Variants in LRRTM3 observed in about 807,000 individuals in gnomAD.
LRRTM3 encodes leucine-rich repeat transmembrane neuronal protein 3.
A neutral mutation model predicts 44.7 loss-of-function variants in LRRTM3; 24 were observed. The ratio of observed to expected loss-of-function variants is 0.54; its 90% CI spans 0.39 to 0.76. The LOEUF is 0.76. Among genes scored for constraint, LRRTM3 ranks in the 30% least tolerant of loss-of-function variants. LRRTM3 has a pLI of 0.00. For missense variants in LRRTM3, 587 were observed against 702.2 expected, an observed-to-expected ratio of 0.84 and a Z score of 1.85; for synonymous variants, 277 against 278.7, an observed-to-expected ratio of 0.99 and a Z score of 0.06.
chr10:66,959,200 T>C (rs1236084713), intron 2 of LRRTM3, among the ~76,000 whole-genome samples: 1 of 152,204 alleles, frequency 6.6e-6, no homozygotes, highest in Non-Finnish European at 1.5e-5. Flanking sequence ...ATTCAACTTT[T>C]TGACAATCTT....
In LRRTM3 at chr10:66,976,287, T is replaced by C. The variant is rs78748061; in HGVS notation, c.1536+47835T>C. ...CACTAATATAGGGAATCAGGGACGATACCCCTGTAAAAGGGATATTTCAGC... is the reference window on the plus strand; with the variant it reads ...CACTAATATAGGGAATCAGGGACGACACCCCTGTAAAAGGGATATTTCAGC... On this transcript the variant is annotated intron_variant, in intron 2 of 2. Coordinates refer to ENST00000361320, the MANE Select transcript of LRRTM3 (RefSeq NM_178011.5). Among the ~76,000 whole-genome samples, 12 of 152,298 alleles carry C rather than the reference T, an allele frequency of 7.9e-5. No individual in the cohort carries two copies. The East Asian group carries it at 2.1e-3, about 27-fold the overall frequency.
intron 2 of LRRTM3, among the ~76,000 whole-genome samples, chr10:67,032,239 T>A (rs549976581): frequency 1.3e-5 from 2 of 152,284 alleles, no homozygotes; most frequent in South Asian, 4.1e-4. Flanking sequence ...ACTCCAGAAC[T>A]GACATTTTTT....
chr10:66,970,379 C>T (rs1042174812), intron 2 of LRRTM3, among the ~76,000 whole-genome samples: 10 of 151,942 alleles, frequency 6.6e-5, no homozygotes, highest in South Asian at 4.1e-4. Flanking sequence ...AGCTTCTTCT[C>T]GATATACAGC....
chr10:66,958,822 G>GGTTT, intron 2 of LRRTM3, among the ~76,000 whole-genome samples: 1 of 152,078 alleles, frequency 6.6e-6, no homozygotes, highest in Non-Finnish European at 1.5e-5. Context: ...AAGAAGGAAA[G>GGTTT]GAATTAAAAT....
intron 2 of LRRTM3, among the ~76,000 whole-genome samples, chr10:66,997,237 T>C (rs1424370698): frequency 2.6e-5 from 4 of 152,160 alleles, no homozygotes; most frequent in African/African-American, 7.2e-5. Context: ...ACATATCCTA[T>C]TCATAGGCAG....
intron 2 of LRRTM3, among the ~76,000 whole-genome samples, chr10:66,959,592 G>A (rs1178897939): frequency 2.0e-5 from 3 of 152,108 alleles, no homozygotes; most frequent in Admixed American, 6.6e-5. Context: ...AAATGAACTG[G>A]TGAAAGTAGA....
intron 2 of LRRTM3, among the ~76,000 whole-genome samples, chr10:66,933,326 A>C (rs900984993): frequency 2.6e-5 from 4 of 152,250 alleles, no homozygotes; most frequent in Admixed American, 1.3e-4. Context: ...TACAACAGAC[A>C]TAAAGACACC....
chr10:66,943,190 G>A lies in LRRTM3; in HGVS notation c.1536+14738G>A, dbSNP rs531552018. ...GTTCTTTTTAAAGACTTTGAAAAGA[G>A]CAGAGACGAGAAAAGCTAGAAGAGT... On this transcript the variant is annotated intron_variant, in intron 2 of 2. Coordinates refer to ENST00000361320, the MANE Select transcript of LRRTM3 (RefSeq NM_178011.5). Among the ~76,000 whole-genome samples the A allele has an allele frequency of 9.2e-5, 14 of 152,306 alleles. No individual in the cohort carries two copies. In the South Asian group the frequency reaches 1.9e-3, roughly 20 times the overall value.
At chr10:67,088,040 T>A (rs997193761) in intron 2 of LRRTM3, among the ~76,000 whole-genome samples, 1 of 152,034 alleles carries the variant, frequency 6.6e-6, no homozygotes, top group Non-Finnish European at 1.5e-5. Context: ...AATAATATCA[T>A]GTGGAAATAC....
At chr10:67,000,753 C>A (rs1230286306) in intron 2 of LRRTM3, among the ~76,000 whole-genome samples, 1 of 152,086 alleles carries the variant, frequency 6.6e-6, no homozygotes, top group Non-Finnish European at 1.5e-5. Context: ...CACCCCACAC[C>A]TGACAATTAC....
At chr10:66,998,583 C>T (rs1259266813) in intron 2 of LRRTM3, among the ~76,000 whole-genome samples, 2 of 151,984 alleles carry the variant, frequency 1.3e-5, no homozygotes, top group Non-Finnish European at 2.9e-5. Flanking sequence ...AAGTGAGACA[C>T]TTGTAGAGAG....
intron 2 of LRRTM3, among the ~76,000 whole-genome samples, chr10:67,081,116 C>T (rs987603391): frequency 3.9e-5 from 6 of 152,138 alleles, no homozygotes; most frequent in Non-Finnish European, 7.4e-5. Flanking sequence ...TTTCTCTCTC[C>T]TTCAGTTCTG....
intron 2 of LRRTM3, among the ~76,000 whole-genome samples, chr10:67,003,723 G>C (rs1851810272): frequency 6.6e-6 from 1 of 152,150 alleles, no homozygotes; most frequent in Non-Finnish European, 1.5e-5. Context: ...TGACTGCCCA[G>C]GTCCTATTCC....
At chr10:66,993,121 G>A (rs1370031478) in intron 2 of LRRTM3, among the ~76,000 whole-genome samples, 3 of 152,050 alleles carry the variant, frequency 2.0e-5, no homozygotes, top group Non-Finnish European at 4.4e-5. Context: ...AGCCTCATTC[G>A]CATGGTTGAC....
intron 2 of LRRTM3, chr10:67,052,685 T>C (rs1218218126): frequency 6.6e-6 from 1 of 152,284 alleles, no homozygotes; most frequent in Non-Finnish European, 1.5e-5. Flanking sequence ...AGGGGGAAGA[T>C]GCTAACAACT....
intron 2 of LRRTM3, among the ~76,000 whole-genome samples, chr10:67,084,477 TA>T (rs1208463686): frequency 1.3e-5 from 2 of 151,906 alleles, no homozygotes; most frequent in Non-Finnish European, 2.9e-5. Flanking sequence ...AAATATTGTT[TA>T]TAATTCTACT....
chr10:67,053,456 T>G (rs1185199116), intron 2 of LRRTM3, among the ~76,000 whole-genome samples: 5 of 152,174 alleles, frequency 3.3e-5, no homozygotes, highest in Non-Finnish European at 7.4e-5. Flanking sequence ...TACTAAGAAT[T>G]TTAGATTATA....
chr10:66,954,282 A>G (rs1051037417), intron 2 of LRRTM3, among the ~76,000 whole-genome samples: 1 of 152,232 alleles, frequency 6.6e-6, no homozygotes, highest in East Asian at 1.9e-4. Flanking sequence ...GTTGTAAACC[A>G]TATATTTGAA....
intron 2 of LRRTM3, among the ~76,000 whole-genome samples, chr10:67,069,557 G>GGC (rs1856310763): frequency 1.0e-5 from 1 of 96,342 alleles, no homozygotes; most frequent in African/African-American, 3.9e-5. Context: ...ACAGCAGCCC[G>GGC]CCCCACCCCA....
Sources: gnomAD v4.1 joint callset for allele counts (sites outside exome capture counted in the v4.1 genomes callset) on GRCh38, gnomAD v4.1.1 for gene constraint, MANE v1.5 for transcripts, NCBI Gene and HGNC (gene_info 2026-07-23, HGNC 2026-07-21) for gene names.